CDH12: variants seen among roughly 807,000 people sequenced by gnomAD.
The protein encoded by CDH12 is cadherin 12.
In CDH12, 41 loss-of-function variants were observed where a neutral mutation model predicts 74.1. The observed-to-expected ratio is 0.55, with a 90% confidence interval of 0.43 to 0.72. CDH12 has a LOEUF of 0.72. CDH12 is among the 30% of genes least tolerant of loss of function. The pLI is 0.00. For synonymous variants in CDH12, 399 were observed against 355.0 expected, an observed-to-expected ratio of 1.12 and a Z score of -1.39; for missense variants, 945 against 977.2, an observed-to-expected ratio of 0.97 and a Z score of 0.44.
chr5:22,290,996 A>G (rs1737362730), intron 3 of CDH12, among the ~76,000 whole-genome samples: 1 of 152,196 alleles, frequency 6.6e-6, no homozygotes, highest in Admixed American at 6.5e-5. Context: ...CAAATTGAAC[A>G]GTATATTTTA....
At chr5:22,122,946 T>C (rs1235775796) in intron 4 of CDH12, among the ~76,000 whole-genome samples, 1 of 152,228 alleles carries the variant, frequency 6.6e-6, no homozygotes, top group Non-Finnish European at 1.5e-5. Context: ...CTTTGAAATA[T>C]AGCTAAACCA....
At chr5:22,400,011 A>G (rs913232274) in intron 3 of CDH12, among the ~76,000 whole-genome samples, 2 of 152,162 alleles carry the variant, frequency 1.3e-5, no homozygotes, top group African/African-American at 2.4e-5. Flanking sequence ...TTAAATAATT[A>G]TTTGTGCACA....
chr5:21,959,945 A>G (rs1383520183), intron 6 of CDH12, among the ~76,000 whole-genome samples: 1 of 149,382 alleles, frequency 6.7e-6, no homozygotes, highest in African/African-American at 2.5e-5. Flanking sequence ...AAAAAAAAAA[A>G]GACGAAGTGC....
chr5:22,075,123 T>A (rs1043707525), intron 5 of CDH12, among the ~76,000 whole-genome samples: 11 of 151,862 alleles, frequency 7.2e-5, no homozygotes, highest in Admixed American at 3.9e-4. Context: ...TGGAATTCTA[T>A]GCAGCCATAA....
chr5:22,463,103 A>G (rs1019831112), intron 2 of CDH12, among the ~76,000 whole-genome samples: 2 of 152,220 alleles, frequency 1.3e-5, no homozygotes, highest in African/African-American at 4.8e-5. Context: ...TATCCAAACT[A>G]AAAGGGACAA....
At position 21,795,219 on chromosome 5, in the gene CDH12, T is replaced by A. The variant is rs74500625; in HGVS notation, c.1256+6948A>T. 6.1e-3 allele frequency among the ~76,000 whole-genome samples: 929 copies of A among 151,548 alleles called. 11 individuals carry two copies. The highest frequency in any genetic ancestry group is 0.022 in the African/African-American group (893 of 41,416). On this transcript the variant is annotated intron_variant, in intron 10 of 14. Coordinates refer to ENST00000382254, the MANE Select transcript of CDH12 (RefSeq NM_004061.5). ...ATACAAAAATAAATGTGATTTTTTT[T>A]AAGATAGCATTTCCTATCAGTTAAT...
At chr5:22,540,358 T>C (rs1173318634) in intron 1 of CDH12, among the ~76,000 whole-genome samples, 1 of 152,068 alleles carries the variant, frequency 6.6e-6, no homozygotes, top group South Asian at 2.1e-4. Context: ...AATAAGCCAT[T>C]TTAAGAGGGT....
chr5:22,096,478 A>ACCTCTCT (rs1353767842), intron 4 of CDH12, among the ~76,000 whole-genome samples: 1 of 151,108 alleles, frequency 6.6e-6, no homozygotes, highest in African/African-American at 2.4e-5. Flanking sequence ...GACACATCTC[A>ACCTCTCT]CCTCTCTCCT....
chr5:22,535,155 T>TC (rs1373712195), intron 1 of CDH12, among the ~76,000 whole-genome samples: 67 of 130,566 alleles, frequency 5.1e-4, no homozygotes, highest in East Asian at 1.3e-3. Flanking sequence ...TTTTTTTTTT[T>TC]TTCTTTTTTT....
chr5:22,790,638 T>C (rs1747861437), intron 1 of CDH12, among the ~76,000 whole-genome samples: 1 of 151,494 alleles, frequency 6.6e-6, no homozygotes, highest in Admixed American at 6.6e-5. Context: ...TATTATTTAT[T>C]TATACTATAT....
At chr5:22,422,352 GT>G (rs922791213) in intron 2 of CDH12, among the ~76,000 whole-genome samples, 28 of 152,142 alleles carry the variant, frequency 1.8e-4, no homozygotes, top group African/African-American at 6.3e-4. Context: ...TAATTATGCA[GT>G]TTTTTTCTTT....
At chr5:22,263,553 G>T (rs1433302701) in intron 3 of CDH12, among the ~76,000 whole-genome samples, 2 of 151,924 alleles carry the variant, frequency 1.3e-5, no homozygotes, top group Non-Finnish European at 2.9e-5. Context: ...AAAACATCCT[G>T]GCCATTTTGT....
At chr5:22,667,549 CTG>C (rs1740688458) in intron 1 of CDH12, among the ~76,000 whole-genome samples, 1 of 152,170 alleles carries the variant, frequency 6.6e-6, no homozygotes. Context: ...ACACTGGAGG[CTG>C]TGTGTGTTCA....
In CDH12 at chr5:22,142,296, GC is replaced by G. The variant is rs1331660929; in HGVS notation, c.-186-63435del. 6.4e-5 allele frequency: 18 copies of G among 282,008 alleles called. No homozygotes were observed. The Admixed American group carries it at 7.6e-4, about 12-fold the overall frequency. The allele number at this position is 282,008 out of a possible 1,614,324, so 17.5% of individuals were successfully genotyped here. A position where few individuals can be genotyped will look rare whatever the true frequency, so the allele number is the denominator to read the frequency against. On this transcript the variant is annotated intron_variant, in intron 4 of 14. Transcript: ENST00000382254. ...ATTACAGTATAGAGTAAAAAAGAAA[GC>G]CTATATGAAGTAGAGGAAGGGGTAC... is the stretch of plus-strand genomic sequence containing the variant.
intron 5 of CDH12, among the ~76,000 whole-genome samples, chr5:22,076,280 G>A (rs188554678): frequency 3.0e-4 from 45 of 152,094 alleles, no homozygotes; most frequent in South Asian, 8.3e-4. Flanking sequence ...CACTGTTACC[G>A]CAATTATAAA....
intron 7 of CDH12, among the ~76,000 whole-genome samples, chr5:21,854,076 C>A (rs1750621132): frequency 1.3e-5 from 2 of 151,580 alleles, no homozygotes; most frequent in South Asian, 2.1e-4. Flanking sequence ...TGCATAGCCT[C>A]CTGCCCTTCC....
At chr5:22,028,317 A>G (rs1738531176) in intron 5 of CDH12, among the ~76,000 whole-genome samples, 1 of 152,142 alleles carries the variant, frequency 6.6e-6, no homozygotes, top group Non-Finnish European at 1.5e-5. Context: ...GAAGAAGTCA[A>G]ATTGTCCCTG....
chr5:22,783,190 T>C (rs1314063351), intron 1 of CDH12, among the ~76,000 whole-genome samples: 2 of 152,192 alleles, frequency 1.3e-5, no homozygotes, highest in African/African-American at 4.8e-5. Flanking sequence ...TTTAATGTTG[T>C]AACATATTTA....
intron 1 of CDH12, among the ~76,000 whole-genome samples, chr5:22,663,448 G>T (rs1386992101): frequency 6.6e-6 from 1 of 152,088 alleles, no homozygotes; most frequent in East Asian, 1.9e-4. Flanking sequence ...CATTATTTTT[G>T]CAGTTTACTT....
Sources: gnomAD v4.1 joint callset for allele counts (sites outside exome capture counted in the v4.1 genomes callset) on GRCh38, gnomAD v4.1.1 for gene constraint, MANE v1.5 for transcripts, NCBI Gene and HGNC (gene_info 2026-07-23, HGNC 2026-07-21) for gene names.